The following ADAP1 variants were observed in gnomAD, a reference collection of about 807,000 sequenced individuals.
ADAP1 encodes the protein arf-GAP with dual PH domain-containing protein 1.
Under a neutral mutation model 54.9 loss-of-function variants are expected in ADAP1, and 31 were observed. That is an observed-to-expected ratio of 0.56 (90% CI 0.42 to 0.76). The LOEUF (loss-of-function observed/expected upper bound fraction) is 0.76. ADAP1 is among the 30% of genes least tolerant of loss of function. The pLI, the probability that ADAP1 is intolerant of heterozygous loss-of-function variation, is 0.00. For synonymous variants in ADAP1, 313 were observed against 202.6 expected (o/e 1.55, Z -4.63); for missense variants, 535 against 512.4 (o/e 1.04, Z -0.42).
intron 6 of ADAP1, among the ~76,000 whole-genome samples, chr7:903,132 G>A (rs1158238403): frequency 6.6e-6 from 1 of 152,184 alleles, no homozygotes; most frequent in Non-Finnish European, 1.5e-5. Context: ...AGAGACAACA[G>A]TCTGCGGAGA....
intron 2 of ADAP1, among the ~76,000 whole-genome samples, chr7:932,810 G>A (rs1204329398): frequency 6.6e-6 from 1 of 152,178 alleles, no homozygotes; most frequent in Non-Finnish European, 1.5e-5. Flanking sequence ...GGGTCCTGAG[G>A]GGATTCGCAG....
Position 905,087 on chromosome 7 carries a change from A to ACC in ADAP1, c.472_473dup (p.Ala159ValfsTer3). 6.2e-7 allele frequency: 1 copy of ACC among 1,611,790 alleles called. No individual in the cohort carries two copies. Among genetic ancestry groups the ACC allele is most frequent in the Non-Finnish European group, 8.5e-7 (1 of 1,179,852 alleles). ...CATTTCTGTTGAAATACTTCAGAGCACCCTCTCGTTCTGTCAGCACAAACT... is the reference window on the plus strand; with the variant it reads ...CATTTCTGTTGAAATACTTCAGAGCACCCCCTCTCGTTCTGTCAGCACAAACT... On this transcript the variant is annotated frameshift_variant, in exon 5 of 11. Coordinates refer to ENST00000265846, the MANE Select transcript of ADAP1 (RefSeq NM_006869.4). LOFTEE classifies it high-confidence loss of function.
chr7:906,667 GGGGACAT>G lies in ADAP1; in HGVS notation c.389-1502_389-1496del, dbSNP rs1562915040. On this transcript the variant is annotated intron_variant, in intron 4 of 10. Coordinates refer to ENST00000265846, the MANE Select transcript of ADAP1 (RefSeq NM_006869.4). Reference sequence around the variant, plus strand: ...GGGAAAGGAGAAAGGGGGCGGGAAAGGGGACATGGACAGGGGACACGGGGGACATGGA... The same window carrying G: ...GGGAAAGGAGAAAGGGGGCGGGAAAGGGACAGGGGACACGGGGGACATGGA... Among the ~76,000 whole-genome samples the G allele has an allele frequency of 9.7e-4, 92 of 94,412 alleles. 6 individuals carry two copies. The highest frequency in any genetic ancestry group is 6.6e-3 in the East Asian group (13 of 1,958). 61.9% of individuals were successfully genotyped at this position (94,412 alleles called of 152,430 possible). A position where few individuals can be genotyped will look rare whatever the true frequency, so the allele number is the denominator to read the frequency against.
Position 898,499 on chromosome 7 carries a change from G to A in ADAP1, c.*422C>T. On this transcript the variant is annotated 3_prime_UTR_variant, in exon 11 of 11. Transcript: ENST00000265846. ...GGGGGGAGGGCGGGGCGGCATGCGA[G>A]CAGGGCCCAGTCCCCAGCGGCCGGC... 2 of 249,546 alleles carry A rather than the reference G, an allele frequency of 8.0e-6. No homozygotes were observed. The highest frequency in any genetic ancestry group is 1.6e-5 in the Non-Finnish European group (2 of 126,284). The allele number at this position is 249,546 out of a possible 1,614,324, so 15.5% of individuals were successfully genotyped here. A position where few individuals can be genotyped will look rare whatever the true frequency, so the allele number is the denominator to read the frequency against.
intron 4 of ADAP1, among the ~76,000 whole-genome samples, chr7:915,270 A>T (rs943030392): frequency 7.4e-6 from 1 of 136,022 alleles, no homozygotes; most frequent in Non-Finnish European, 1.6e-5. Flanking sequence ...TGCCGCACAC[A>T]CCCGTACATC....
rs535936981 is a variant in ADAP1, at chr7:948,353, G to A, written c.82+6043C>T. Among the ~76,000 whole-genome samples the A allele has an allele frequency of 1.1e-3, 172 of 151,944 alleles. 1 individual carries two copies. Among genetic ancestry groups the A allele is most frequent in the Non-Finnish European group, 1.6e-3 (106 of 67,994 alleles). On this transcript the variant is annotated intron_variant, in intron 1 of 10. Transcript: ENST00000265846. ...AGGCCTGAGCTTCTGAATGGAACAC[G>A]CCCTGCAGAAGCGCTCCATGGTGGC...
At chr7:929,129 T>C (rs1846482736) in intron 2 of ADAP1, among the ~76,000 whole-genome samples, 1 of 151,450 alleles carries the variant, frequency 6.6e-6, no homozygotes, top group Non-Finnish European at 1.5e-5. Flanking sequence ...CCGTCTCTAC[T>C]GAAAATACAA....
At position 945,997 on chromosome 7, in the gene ADAP1, T is replaced by C. The variant is rs1030054782; in HGVS notation, c.82+8399A>G. ...GGCTGACGCACAGCAGAGATCCCGGTGCAATCGAGGCCGGGTCGGACGCTG... is the reference window on the plus strand; with the variant it reads ...GGCTGACGCACAGCAGAGATCCCGGCGCAATCGAGGCCGGGTCGGACGCTG... On this transcript the variant is annotated intron_variant, in intron 1 of 10. Coordinates refer to ENST00000265846, the MANE Select transcript of ADAP1 (RefSeq NM_006869.4). The surrounding 1 kb of genome is among the most constrained non-coding windows in gnomAD (Gnocchi z 4.2). Among the ~76,000 whole-genome samples the C allele has an allele frequency of 6.6e-6, 1 of 152,036 alleles. No homozygotes were observed. Among genetic ancestry groups the C allele is most frequent in the African/African-American group, 2.4e-5 (1 of 41,340 alleles).
intron 2 of ADAP1, among the ~76,000 whole-genome samples, chr7:930,438 G>A (rs1309070542): frequency 1.9e-4 from 2 of 10,330 alleles, no homozygotes; most frequent in East Asian, 0.012. Context: ...AGCACTTTGG[G>A]AGGCCAAGGC....
At chr7:911,218 G>C (rs1386463749) in intron 4 of ADAP1, among the ~76,000 whole-genome samples, 1 of 152,192 alleles carries the variant, frequency 6.6e-6, no homozygotes, top group Non-Finnish European at 1.5e-5. Context: ...GGGTGGACGA[G>C]GGCTCCTGGG....
In ADAP1 at chr7:938,503, C is replaced by A. The variant is rs1342782065; in HGVS notation, c.83-2998G>T. Among the ~76,000 whole-genome samples the A allele has an allele frequency of 6.6e-6, 1 of 152,162 alleles. No individual in the cohort carries two copies. The highest frequency in any genetic ancestry group is 1.5e-5 in the Non-Finnish European group (1 of 68,032). The stretch of plus-strand genomic sequence containing the variant: ...GGCCTGCAAAGTATTTAGTTACACA[C>A]ACCCCTGGAGAACAGGTGGGGAAGA... On this transcript the variant is annotated intron_variant, in intron 1 of 10. Coordinates refer to ENST00000265846, the MANE Select transcript of ADAP1 (RefSeq NM_006869.4). This position sits in a 1 kb window ranked among gnomAD's most constrained non-coding sequence, Gnocchi z 4.4.
chr7:906,671 A>G (rs1845407534), intron 4 of ADAP1, among the ~76,000 whole-genome samples: 2 of 94,040 alleles, frequency 2.1e-5, no homozygotes, highest in Non-Finnish European at 4.0e-5. Context: ...GGGAAAGGGG[A>G]CATGGACAGG....
At chr7:953,283 G>A (rs1301546230) in intron 1 of ADAP1, among the ~76,000 whole-genome samples, 5 of 152,214 alleles carry the variant, frequency 3.3e-5, no homozygotes, top group African/African-American at 1.2e-4. Flanking sequence ...AGAAAAGCCT[G>A]TCGCTATCTC....
chr7:900,257 G>A, intron 7 of ADAP1, 93 bp from the exon 8 acceptor site: 2 of 1,495,604 alleles, frequency 1.3e-6, no homozygotes, highest in African/African-American at 1.4e-5. Context: ...CCTCACCCCG[G>A]GCCACCAGGT....
At chr7:931,773 G>GGA (rs1846586638) in intron 2 of ADAP1, among the ~76,000 whole-genome samples, 1 of 140,534 alleles carries the variant, frequency 7.1e-6, no homozygotes, top group African/African-American at 2.6e-5. Context: ...AAAGTAGGGA[G>GGA]AAAAAAAAAA....
chr7:955,366 A>G (rs1203443128), upstream of ADAP1: 7 of 1,550,150 alleles, frequency 4.5e-6, no homozygotes, highest in East Asian at 1.2e-4. Flanking sequence ...TTCTTCTTGC[A>G]GGGTTAATGC....
intron 3 of ADAP1, chr7:923,155 G>A (rs924938732): frequency 6.6e-6 from 1 of 152,094 alleles, no homozygotes; most frequent in Admixed American, 6.5e-5. Flanking sequence ...CTCCAGAGCT[G>A]GAAGAAAGTA....
At chr7:929,940 C>CA (rs1271241545) in intron 2 of ADAP1, among the ~76,000 whole-genome samples, 1 of 151,422 alleles carries the variant, frequency 6.6e-6, no homozygotes, top group African/African-American at 2.4e-5. Context: ...CCCGTCTCTA[C>CA]AAAAAATACA....
At chr7:951,396 C>G (rs887082815) in intron 1 of ADAP1, among the ~76,000 whole-genome samples, 1 of 151,394 alleles carries the variant, frequency 6.6e-6, no homozygotes, top group Non-Finnish European at 1.5e-5. Context: ...AATATCCAAC[C>G]TAGTTGGGCC....
Sources: gnomAD v4.1 joint callset for allele counts (sites outside exome capture counted in the v4.1 genomes callset) on GRCh38, gnomAD v4.1.1 for gene constraint, Gnocchi (gnomAD v3.1) non-coding constraint, MANE v1.5 for transcripts, NCBI Gene and HGNC (gene_info 2026-07-23, HGNC 2026-07-21) for gene names.